NUDT10: variants seen among roughly 807,000 people sequenced by gnomAD.
NUDT10 encodes diphosphoinositol polyphosphate phosphohydrolase 3-alpha.
A neutral mutation model predicts 10.5 loss-of-function variants in NUDT10; 2 were observed. The ratio of observed to expected loss-of-function variants is 0.19; its 90% confidence interval spans 0.08 to 0.60. NUDT10 has a LOEUF of 0.60. Among genes scored for constraint, NUDT10 ranks in the 20% least tolerant of loss-of-function variants. The probability of loss-of-function intolerance (pLI) is 0.89; values close to 1 mark genes in which losing one functional copy is unlikely to be tolerated. For missense variants in NUDT10, 75 were observed against 149.5 expected (o/e 0.50, Z 2.60); for synonymous variants, 53 against 71.8 (o/e 0.74, Z 1.32).
At chrX:51,332,544 G>T (rs1394550963), upstream of NUDT10, among the ~76,000 whole-genome samples, 1 of 112,123 alleles carries the variant, frequency 8.9e-6, no homozygotes, top group Non-Finnish European at 1.9e-5. Context: ...CCCTCGCCCC[G>T]GTTCCTCGCC....
At chrX:51,334,641 G>C (rs1557312589) in intron 1 of NUDT10, among the ~76,000 whole-genome samples, 1 of 111,848 alleles carries the variant, frequency 8.9e-6, no homozygotes. Flanking sequence ...CAAATTAAAA[G>C]CTCTCACGTT....
chrX:51,332,830 G>A lies in NUDT10; in HGVS notation c.-136G>A. 1.0e-6 allele frequency: 1 copy of A among 988,166 alleles called. No homozygotes were observed. Among genetic ancestry groups the A allele is most frequent in the Non-Finnish European group, 1.3e-6 (1 of 744,831 alleles). The allele number at this position is 988,166 out of a possible 1,213,427, so 81.4% of individuals were successfully genotyped here. On this transcript the variant is annotated 5_prime_UTR_variant, in exon 1 of 2. Transcript: ENST00000356450. ...TCCCCGGGCTCGGGGGCAGACGGCA[G>A]ACGGAGGCGCCTCTCTCTCCCCGCC...
intron 1 of NUDT10, among the ~76,000 whole-genome samples, chrX:51,335,880 A>G (rs1432079351): frequency 8.9e-6 from 1 of 112,359 alleles, no homozygotes; most frequent in Non-Finnish European, 1.9e-5. Flanking sequence ...ATCTTTCTGA[A>G]TGACTGTTGG....
Position 51,333,208 on chromosome X carries a change from C to T in NUDT10, c.243C>T (p.Gly81=), listed in dbSNP as rs183396979. ...GVKGKLGRLL[G]VFEQNQDPKH... The stretch of plus-strand genomic sequence containing the variant: ...AGGGGAAGTTAGGCCGGCTCCTGGG[C>T]GTCTTCGAACAGAACCAGGACCCCA... Residue 81 remains glycine, a synonymous_variant, in exon 1 of 2, where the codon GGC becomes GGT. Coordinates refer to ENST00000356450, the MANE Select transcript of NUDT10 (RefSeq NM_001304963.2). The T allele has an allele frequency of 9.1e-6, 11 of 1,208,829 alleles. No individual in the cohort carries two copies. The East Asian group carries it at 3.3e-4, about 36-fold the overall frequency.
At chrX:51,332,668 C>T (rs1163173191), upstream of NUDT10, among the ~76,000 whole-genome samples, 18 of 112,803 alleles carry the variant, frequency 1.6e-4, no homozygotes, top group Admixed American at 6.4e-4. Flanking sequence ...CGCGGGCTCG[C>T]GGGCAGCAGC....
At chrX:51,332,569 C>T (rs1253170737), upstream of NUDT10, among the ~76,000 whole-genome samples, 1 of 113,289 alleles carries the variant, frequency 8.8e-6, no homozygotes, top group Non-Finnish European at 1.9e-5. Context: ...AGCCCACGCC[C>T]TCCCCTGCGA....
Position 51,332,832 on chromosome X carries a change from C to G in NUDT10, c.-134C>G. On this transcript the variant is annotated 5_prime_UTR_variant, in exon 1 of 2. Transcript: ENST00000356450. ...CCCGGGCTCGGGGGCAGACGGCAGA[C>G]GGAGGCGCCTCTCTCTCCCCGCCCC... The G allele has an allele frequency of 4.1e-6, 4 of 983,128 alleles. No homozygotes were observed. Among genetic ancestry groups the G allele is most frequent in the Non-Finnish European group, 5.4e-6 (4 of 740,230 alleles). The allele number at this position is 983,128 out of a possible 1,213,427, so 81.0% of individuals were successfully genotyped here. A position where few individuals can be genotyped will look rare whatever the true frequency, so the allele number is the denominator to read the frequency against.
At chrX:51,333,589 C>A in intron 1 of NUDT10, 130 bp downstream of exon 1, 2 of 944,639 alleles carry the variant, frequency 2.1e-6, no homozygotes, top group Non-Finnish European at 2.9e-6. Context: ...CTTGGCAGAC[C>A]CTCTGAATCA....
Position 51,333,477 on chromosome X carries a change from C to T in NUDT10, c.494+18C>T, listed in dbSNP as rs782477056. ...GATCCCTAGTATGTACCGCTTGCGC[C>T]CGCACAGACTTCTGTTTGTCTGCCT... On this transcript the variant is annotated intron_variant, in intron 1 of 1. Transcript: ENST00000356450. 55 of 1,203,463 alleles carry T rather than the reference C, an allele frequency of 4.6e-5. No homozygotes were observed. Among genetic ancestry groups the T allele is most frequent in the South Asian group, 9.0e-5 (5 of 55,835 alleles).
rs782528231 is a variant in NUDT10 at position 51,333,002 on chromosome X, C to A, written c.37C>A (p.Pro13Thr). 8.3e-7 allele frequency: 1 copy of A among 1,211,520 alleles called. No homozygotes were observed. Among genetic ancestry groups the A allele is most frequent in the East Asian group, 3.0e-5 (1 of 33,772 alleles). Residue 13 changes from proline (P) to threonine (T), a missense_variant, in exon 1 of 2, where the codon CCC becomes ACC. Physicochemically the swap from Pro to Thr is conservative, Grantham distance 38. Coordinates refer to ENST00000356450, the MANE Select transcript of NUDT10 (RefSeq NM_001304963.2). Reference sequence around the variant, plus strand: ...ACCCAACCAGACACGGACCTACGACCCCGAGGGGTTCAAGAAGCGGGCGGC... The same window carrying A: ...ACCCAACCAGACACGGACCTACGACACCGAGGGGTTCAAGAAGCGGGCGGC... ...CKPNQTRTYD[P>T]EGFKKRAACL...
At position 51,336,490 on chromosome X, in the gene NUDT10, C is replaced by T. The variant is rs1040530318; in HGVS notation, c.*251C>T. On this transcript the variant is annotated 3_prime_UTR_variant, in exon 2 of 2. Coordinates refer to ENST00000356450, the MANE Select transcript of NUDT10 (RefSeq NM_001304963.2). The stretch of plus-strand genomic sequence containing the variant: ...TGTGCTCTTATGTGTCTGTATTTCC[C>T]GGCAGAGTATACGCCCTTGAATGCC... 11 of 279,419 alleles carry T rather than the reference C, an allele frequency of 3.9e-5. No homozygotes were observed. The highest frequency in any genetic ancestry group is 1.1e-4 in the East Asian group (2 of 17,553). The allele number at this position is 279,419 out of a possible 1,213,427, so 23.0% of individuals were successfully genotyped here. A position where few individuals can be genotyped will look rare whatever the true frequency, so the allele number is the denominator to read the frequency against.
chrX:51,332,268 T>G (rs1922671858), upstream of NUDT10: 1 of 112,643 alleles, frequency 8.9e-6, no homozygotes. Flanking sequence ...GGGAGGATGA[T>G]GACGACGCTG....
chrX:51,332,708 G>A (rs1395666103), upstream of NUDT10: 1 of 386,857 alleles, frequency 2.6e-6, no homozygotes, highest in Admixed American at 5.0e-5. Flanking sequence ...GCCCGGGTTC[G>A]GCCGGCCGCC....
Position 51,332,890 on chromosome X carries a change from G to C in NUDT10, c.-76G>C. The stretch of plus-strand genomic sequence containing the variant: ...GGCCCTTTCTCTTCCCAGCACCTCG[G>C]CTGCTGCCCGGCAGCGGCAGCAGCT... On this transcript the variant is annotated 5_prime_UTR_variant, in exon 1 of 2. Transcript: ENST00000356450. The C allele has an allele frequency of 8.7e-7, 1 of 1,154,291 alleles. No individual in the cohort carries two copies. The highest frequency in any genetic ancestry group is 3.0e-5 in the East Asian group (1 of 32,855).
intron 1 of NUDT10, among the ~76,000 whole-genome samples, chrX:51,335,058 G>A (rs1408017809): frequency 1.8e-5 from 2 of 110,853 alleles, no homozygotes; most frequent in Non-Finnish European, 3.8e-5. Context: ...GGTGGCTCAC[G>A]CCTGTAATCC....
At position 51,332,892 on chromosome X, in the gene NUDT10, T is replaced by G. The variant is rs1292761170; in HGVS notation, c.-74T>G. ...CCCTTTCTCTTCCCAGCACCTCGGC[T>G]GCTGCCCGGCAGCGGCAGCAGCTGC... On this transcript the variant is annotated 5_prime_UTR_variant, in exon 1 of 2. Coordinates refer to ENST00000356450, the MANE Select transcript of NUDT10 (RefSeq NM_001304963.2). The G allele has an allele frequency of 8.7e-7, 1 of 1,155,590 alleles. No individual in the cohort carries two copies. Among genetic ancestry groups the G allele is most frequent in the African/African-American group, 1.8e-5 (1 of 55,520 alleles).
chrX:51,333,024 C>A lies in NUDT10; in HGVS notation c.59C>A (p.Ala20Glu). 8.3e-7 allele frequency: 1 copy of A among 1,211,337 alleles called. No individual in the cohort carries two copies. The highest frequency in any genetic ancestry group is 1.1e-6 in the Non-Finnish European group (1 of 895,334). Residue 20 changes from alanine (A) to glutamate (E), a missense_variant, in exon 1 of 2, where the codon GCG becomes GAG. Transcript: ENST00000356450. Reference protein sequence around the residue: ...TYDPEGFKKRAACLCFRSERE... With the variant: ...TYDPEGFKKREACLCFRSERE... Reference sequence around the variant, plus strand: ...GACCCCGAGGGGTTCAAGAAGCGGGCGGCGTGCCTGTGCTTCCGGAGCGAG... The same window carrying A: ...GACCCCGAGGGGTTCAAGAAGCGGGAGGCGTGCCTGTGCTTCCGGAGCGAG...
intron 1 of NUDT10, among the ~76,000 whole-genome samples, chrX:51,333,798 C>T (rs1211000414): frequency 1.1e-5 from 1 of 91,462 alleles, no homozygotes; most frequent in African/African-American, 4.1e-5. Flanking sequence ...GTGTGTGTGT[C>T]TGCCTGTGCG....
At chrX:51,333,579 C>A in intron 1 of NUDT10, 120 bp downstream of exon 1, 1 of 978,467 alleles carries the variant, frequency 1.0e-6, no homozygotes. Context: ...CTTTTGTTTC[C>A]TTGGCAGACC....
Sources: gnomAD v4.1 joint callset for allele counts (sites outside exome capture counted in the v4.1 genomes callset) on GRCh38, gnomAD v4.1.1 for gene constraint, MANE v1.5 for transcripts, NCBI Gene and HGNC (gene_info 2026-07-23, HGNC 2026-07-21) for gene names.